Variants in ZNF254 observed in about 807,000 individuals in gnomAD.
The protein encoded by ZNF254 is CTD-2017D11.1.
ZNF254 carries 10 observed loss-of-function variants against 12.4 expected under a neutral mutation model. The observed-to-expected ratio is 0.80, with a 90% CI of 0.50 to 1.36. The LOEUF (loss-of-function observed/expected upper bound fraction) is 1.36. Among genes scored for constraint, ZNF254 ranks in the 40% most tolerant of loss-of-function variants. The probability of loss-of-function intolerance (pLI) is 0.00; values close to 1 mark genes in which losing one functional copy is unlikely to be tolerated. For synonymous variants in ZNF254, 305 were observed against 253.4 expected, an observed-to-expected ratio of 1.20 and a Z score of -1.93; for missense variants, 996 against 763.9, an observed-to-expected ratio of 1.30 and a Z score of -3.58.
chr19:24,123,433 C>A (rs1974619974), intron 3 of ZNF254, among the ~76,000 whole-genome samples: 3 of 152,080 alleles, frequency 2.0e-5, no homozygotes, highest in African/African-American at 7.2e-5. Context: ...TTTTATACTG[C>A]CTTTAAGTAG....
chr19:24,117,961 T>A (rs1367039102), intron 3 of ZNF254, among the ~76,000 whole-genome samples: 1 of 152,120 alleles, frequency 6.6e-6, no homozygotes, highest in African/African-American at 2.4e-5. Flanking sequence ...GATAATTTTA[T>A]TTTTAGTTAT....
intron 2 of ZNF254, 26 bp downstream of exon 2, chr19:24,106,092 C>T (rs963381141): frequency 5.2e-6 from 8 of 1,553,392 alleles, no homozygotes; most frequent in African/African-American, 2.8e-5. Flanking sequence ...ATACAAAATT[C>T]CTCACATAAA....
In ZNF254 at chr19:24,126,673, C is replaced by CT. The variant is rs1568476931; in HGVS notation, c.675dup (p.Thr226TyrfsTer2). 2.5e-6 allele frequency: 4 copies of CT among 1,613,166 alleles called. No homozygotes were observed. The highest frequency in any genetic ancestry group is 1.7e-5 in the Admixed American group (1 of 59,874). Reference sequence around the variant, plus strand: ...AAAAACCTTTAATTGGTCCTCAACCCTTACTAATCATAGGAAAATTTATAC... The same window carrying CT: ...AAAAACCTTTAATTGGTCCTCAACCCTTTACTAATCATAGGAAAATTTATAC... On this transcript the variant is annotated frameshift_variant, in exon 4 of 4. Coordinates refer to ENST00000357002, the MANE Select transcript of ZNF254 (RefSeq NM_203282.4). LOFTEE classifies it low-confidence loss of function (END_TRUNC).
Position 24,119,967 on chromosome 19 carries a change from A to G in ZNF254, c.254-6287A>G, listed in dbSNP as rs923192581. The stretch of plus-strand genomic sequence containing the variant: ...GTTTTGCATACTTTCTATAAATATT[A>G]TCTTCATAATCCTCTTGTATATTAG... On this transcript the variant is annotated intron_variant, in intron 3 of 3. Coordinates refer to ENST00000357002, the MANE Select transcript of ZNF254 (RefSeq NM_203282.4). 2.0e-4 allele frequency among the ~76,000 whole-genome samples: 30 copies of G among 152,010 alleles called. 1 individual carries two copies. The highest frequency in any genetic ancestry group is 4.6e-4 in the Admixed American group (7 of 15,246).
chr19:24,090,753 CTG>C (rs369090800), intron 1 of ZNF254, among the ~76,000 whole-genome samples: 1 of 152,212 alleles, frequency 6.6e-6, no homozygotes, highest in African/African-American at 2.4e-5. Flanking sequence ...GGTTTTTTAA[CTG>C]TGTATTGCAT....
intron 1 of ZNF254, among the ~76,000 whole-genome samples, chr19:24,090,490 G>A (rs113510060): frequency 2.0e-5 from 3 of 152,250 alleles, no homozygotes; most frequent in East Asian, 1.9e-4. Context: ...AGGCTGGAGC[G>A]CAGTGGTACC....
intron 1 of ZNF254, chr19:24,105,355 T>TAA (rs796272816): frequency 7.9e-4 from 162 of 206,034 alleles, no homozygotes; most frequent in South Asian, 2.1e-3. Flanking sequence ...CTAGAAAAAC[T>TAA]AAAAAAAAAA....
chr19:24,094,968 T>C (rs1013234172), intron 1 of ZNF254, among the ~76,000 whole-genome samples: 4 of 152,236 alleles, frequency 2.6e-5, no homozygotes, highest in Non-Finnish European at 5.9e-5. Flanking sequence ...ATTACAGGCA[T>C]GAGCCACTGC....
In ZNF254 at chr19:24,127,402, G is replaced by C. The variant is rs1264458482; in HGVS notation, c.1402G>C (p.Gly468Arg). Residue 468 changes from glycine (G) to arginine (R), a missense_variant, in exon 4 of 4, where the codon GGC becomes CGC. Physicochemically the swap from Gly to Arg is moderately radical, Grantham distance 125. Transcript: ENST00000357002. ...REKPYKCEEC[G>R]KAFIWSSTLT... ...GAAACCCTACAAATGTGAAGAATGT[G>C]GCAAGGCATTTATATGGTCCTCAAC... 3 of 1,612,040 alleles carry C rather than the reference G, an allele frequency of 1.9e-6. No homozygotes were observed. The highest frequency in any genetic ancestry group is 2.5e-6 in the Non-Finnish European group (3 of 1,178,746).
At chr19:24,044,583 G>T (rs1970307766) in intron 1 of ZNF254, among the ~76,000 whole-genome samples, 1 of 151,812 alleles carries the variant, frequency 6.6e-6, no homozygotes, top group African/African-American at 2.4e-5. Flanking sequence ...ACTCAAAAAT[G>T]TATATTCTTA....
chr19:24,050,545 C>A (rs1468365455), intron 2 of ZNF254, among the ~76,000 whole-genome samples: 1 of 152,246 alleles, frequency 6.6e-6, no homozygotes, highest in Non-Finnish European at 1.5e-5. Flanking sequence ...ACTCTCCTCT[C>A]CTGCCTGGGC....
At chr19:24,103,995 G>C (rs1398510895) in intron 1 of ZNF254, 2 of 152,328 alleles carry the variant, frequency 1.3e-5, no homozygotes, top group East Asian at 3.9e-4. Context: ...AAAGTGTTGG[G>C]ATCACAGGCG....
At chr19:24,112,793 A>G (rs912892233) in intron 3 of ZNF254, among the ~76,000 whole-genome samples, 10 of 152,326 alleles carry the variant, frequency 6.6e-5, no homozygotes, top group African/African-American at 2.2e-4. Flanking sequence ...CAAGACTAAT[A>G]AAGAAAAAAA....
At chr19:24,064,079 T>C (rs1021038057) in intron 2 of ZNF254, 1 of 152,254 alleles carries the variant, frequency 6.6e-6, no homozygotes, top group African/African-American at 2.4e-5. Context: ...CAGGAGTCAC[T>C]GTGATACATG....
intron 2 of ZNF254, among the ~76,000 whole-genome samples, chr19:24,053,451 G>C (rs570809755): frequency 2.0e-5 from 3 of 151,290 alleles, no homozygotes; most frequent in Admixed American, 6.6e-5. Flanking sequence ...TGGGCCCAAC[G>C]TACAGATGGG....
chr19:24,033,623 T>A lies in ZNF254; in HGVS notation c.-190+2T>A. ...GGACATCCTGGAAGCTGGGAAAGGG[T>A]GAGTGTGCGGGGTTGGGCATCCCGA... On this transcript the variant is annotated splice_donor_variant, in intron 1 of 4. Transcript: ENST00000613065. LOFTEE classifies it low-confidence loss of function (5UTR_SPLICE). 1 of 410,784 alleles carries A rather than the reference T, an allele frequency of 2.4e-6. No homozygotes were observed. Among genetic ancestry groups the A allele is most frequent in the Non-Finnish European group, 4.8e-6 (1 of 207,236 alleles). The allele number at this position is 410,784 out of a possible 1,614,324, so 25.4% of individuals were successfully genotyped here. A position where few individuals can be genotyped will look rare whatever the true frequency, so the allele number is the denominator to read the frequency against.
At chr19:24,119,004 C>T (rs904999217) in intron 3 of ZNF254, among the ~76,000 whole-genome samples, 8 of 151,708 alleles carry the variant, frequency 5.3e-5, no homozygotes, top group South Asian at 2.1e-4. Context: ...CCAGGCTACT[C>T]GGGAGGCTGA....
chr19:24,074,775 A>G (rs1410812110), intron 2 of ZNF254, among the ~76,000 whole-genome samples: 1 of 151,880 alleles, frequency 6.6e-6, no homozygotes, highest in Non-Finnish European at 1.5e-5. Context: ...AGTGATTGTG[A>G]TATGTAGCTG....
chr19:24,047,350 AC>A (rs778999030), intron 2 of ZNF254, among the ~76,000 whole-genome samples: 52 of 131,502 alleles, frequency 4.0e-4, no homozygotes, highest in Non-Finnish European at 5.6e-4. Context: ...CTTCCTTCCT[AC>A]CTTTCTTTCT....
Sources: gnomAD v4.1 joint callset for allele counts (sites outside exome capture counted in the v4.1 genomes callset) on GRCh38, gnomAD v4.1.1 for gene constraint, MANE v1.5 for transcripts, NCBI Gene and HGNC (gene_info 2026-07-23, HGNC 2026-07-21) for gene names.